The following ALK variants were observed in gnomAD, a reference collection of about 807,000 sequenced individuals.
ALK encodes the protein ALK receptor tyrosine kinase.
ALK carries 74 observed loss-of-function variants against 163.1 expected under a neutral mutation model. The observed-to-expected ratio is 0.45, with a 90% CI of 0.38 to 0.55. The LOEUF (loss-of-function observed/expected upper bound fraction) is 0.55. ALK is among the 20% of genes least tolerant of loss of function. The probability of loss-of-function intolerance (pLI) is 0.00; values close to 1 mark genes in which losing one functional copy is unlikely to be tolerated. For missense variants in ALK, 2,063 were observed against 2,105.3 expected, an observed-to-expected ratio of 0.98 and a Z score of 0.39; for synonymous variants, 960 against 843.2, an observed-to-expected ratio of 1.14 and a Z score of -2.40.
chr2:29,724,713 C>G (rs1212641748), intron 1 of ALK, among the ~76,000 whole-genome samples: 1 of 152,176 alleles, frequency 6.6e-6, no homozygotes, highest in African/African-American at 2.4e-5. Flanking sequence ...AAGGTCCTCT[C>G]TGGTTCATAC....
At chr2:29,466,974 ATTTC>A (rs1671228485) in intron 4 of ALK, among the ~76,000 whole-genome samples, 2 of 152,112 alleles carry the variant, frequency 1.3e-5, no homozygotes, top group Non-Finnish European at 2.9e-5. Context: ...TGTGATCAGT[ATTTC>A]TTCTTTTTTG....
chr2:29,436,214 G>A (rs1184401809), intron 4 of ALK, among the ~76,000 whole-genome samples: 2 of 152,064 alleles, frequency 1.3e-5, no homozygotes, highest in African/African-American at 4.8e-5. Flanking sequence ...TGAGCCTACC[G>A]TGTGCCATGT....
At chr2:29,244,123 C>T (rs969092831) in intron 12 of ALK, among the ~76,000 whole-genome samples, 4 of 152,188 alleles carry the variant, frequency 2.6e-5, no homozygotes, top group Admixed American at 6.5e-5. Context: ...GGGGATCTTG[C>T]GGGAGAGAGT....
At position 29,906,447 on chromosome 2, in the gene ALK, G is replaced by T. The variant is rs530623032; in HGVS notation, c.667+13546C>A. Among the ~76,000 whole-genome samples the T allele has an allele frequency of 3.9e-5, 6 of 152,132 alleles. No individual in the cohort carries two copies. In the East Asian group the frequency reaches 9.6e-4, roughly 24 times the overall value. On this transcript the variant is annotated intron_variant, in intron 1 of 28. Transcript: ENST00000389048. ...AAAGAAAAGGGATAGGAGAGAAAGA[G>T]GAGGAGAATGAAAAGAAGGAGGAGA...
intron 1 of ALK, among the ~76,000 whole-genome samples, chr2:29,889,715 GA>G (rs1558535332): frequency 2.2e-5 from 1 of 46,210 alleles, no homozygotes; most frequent in East Asian, 3.4e-4. Flanking sequence ...GAGAGAGAGA[GA>G]GAGAGAGAGA....
intron 1 of ALK, among the ~76,000 whole-genome samples, chr2:29,732,009 G>A (rs975952751): frequency 2.6e-5 from 4 of 152,130 alleles, no homozygotes; most frequent in Admixed American, 2.6e-4. Context: ...TCGCACACTG[G>A]GTAAACCCTG....
At chr2:29,774,098 C>T (rs749278259) in intron 1 of ALK, among the ~76,000 whole-genome samples, 4 of 152,202 alleles carry the variant, frequency 2.6e-5, no homozygotes, top group East Asian at 1.9e-4. Flanking sequence ...TTCCCAAAAA[C>T]GGTCCAGGTT....
At chr2:29,689,452 C>A (rs10176775) in intron 3 of ALK, among the ~76,000 whole-genome samples, 1 of 151,996 alleles carries the variant, frequency 6.6e-6, no homozygotes, top group Admixed American at 6.6e-5. Context: ...GTTCAGGGAC[C>A]CTTTTAAGAA....
chr2:29,389,712 G>T (rs1323685056), intron 4 of ALK, among the ~76,000 whole-genome samples: 1 of 152,142 alleles, frequency 6.6e-6, no homozygotes, highest in African/African-American at 2.4e-5. Context: ...TAATCCAAAC[G>T]TTCGTGTCAA....
chr2:29,693,312 T>C (rs533267781), intron 3 of ALK, among the ~76,000 whole-genome samples: 2 of 152,194 alleles, frequency 1.3e-5, no homozygotes, highest in South Asian at 2.1e-4. Flanking sequence ...CTCAGATCTA[T>C]TGAATCAGAA....
At chr2:29,524,135 G>C (rs1311310615) in intron 4 of ALK, among the ~76,000 whole-genome samples, 1 of 152,130 alleles carries the variant, frequency 6.6e-6, no homozygotes, top group Non-Finnish European at 1.5e-5. Flanking sequence ...TAGACCCAGA[G>C]CTTAGGCTTT....
intron 1 of ALK, among the ~76,000 whole-genome samples, chr2:29,753,753 A>G (rs1355387598): frequency 6.6e-6 from 1 of 152,192 alleles, no homozygotes; most frequent in Non-Finnish European, 1.5e-5. Flanking sequence ...ACTCGGCTGA[A>G]CCATAACTGA....
At chr2:29,466,862 A>G (rs1202155194) in intron 4 of ALK, among the ~76,000 whole-genome samples, 1 of 152,278 alleles carries the variant, frequency 6.6e-6, no homozygotes. Flanking sequence ...ATTAGAGCAC[A>G]TATTTTACAT....
chr2:29,194,179 T>G (rs1668965234), intron 28 of ALK, among the ~76,000 whole-genome samples: 1 of 152,046 alleles, frequency 6.6e-6, no homozygotes, highest in Admixed American at 6.6e-5. Flanking sequence ...GGAAAAGCTT[T>G]GCAGAGGAGG....
At chr2:29,387,831 A>G (rs1669069019) in intron 4 of ALK, among the ~76,000 whole-genome samples, 1 of 152,202 alleles carries the variant, frequency 6.6e-6, no homozygotes. Context: ...AAGGTCACAC[A>G]TTGAGTTACC....
intron 4 of ALK, among the ~76,000 whole-genome samples, chr2:29,505,493 C>G (rs1672294707): frequency 6.6e-6 from 1 of 152,112 alleles, no homozygotes; most frequent in Non-Finnish European, 1.5e-5. Flanking sequence ...CTTCTGCCAG[C>G]ACTCCTGGTT....
chr2:29,200,783 G>GTGTATATA (rs1558608856), intron 26 of ALK, among the ~76,000 whole-genome samples: 3 of 54,888 alleles, frequency 5.5e-5, no homozygotes, highest in Admixed American at 5.1e-4. Context: ...GTATATATAT[G>GTGTATATA]TATATACATG....
In ALK at chr2:29,921,323, G is replaced by A; in HGVS notation, c.-664C>T. ...CCCCCGCGCTGCGCAAGTTTGCAGCGTCCTTGCTCTCACCGGCGCCTCGGC... is the reference window on the plus strand; with the variant it reads ...CCCCCGCGCTGCGCAAGTTTGCAGCATCCTTGCTCTCACCGGCGCCTCGGC... On this transcript the variant is annotated 5_prime_UTR_variant, in exon 1 of 29. It adds an upstream start codon to the 5' untranslated region. Transcript: ENST00000389048. The A allele has an allele frequency of 4.3e-6, 1 of 233,210 alleles. No individual in the cohort carries two copies. Among genetic ancestry groups the A allele is most frequent in the Non-Finnish European group, 8.5e-6 (1 of 118,030 alleles). The allele number at this position is 233,210 out of a possible 1,614,324, so 14.4% of individuals were successfully genotyped here. A position where few individuals can be genotyped will look rare whatever the true frequency, so the allele number is the denominator to read the frequency against.
intron 4 of ALK, among the ~76,000 whole-genome samples, chr2:29,478,962 AG>A (rs59375836): frequency 0.5 from 75,293 of 151,966 alleles, 19,943 homozygotes; most frequent in South Asian, 0.62. Flanking sequence ...GGCCCTGCAA[AG>A]AATAGGACCC....
Sources: gnomAD v4.1 joint callset for allele counts (sites outside exome capture counted in the v4.1 genomes callset) on GRCh38, gnomAD v4.1.1 for gene constraint, MANE v1.5 for transcripts, NCBI Gene and HGNC (gene_info 2026-07-23, HGNC 2026-07-21) for gene names.